The following ARHGAP24 variants were observed in gnomAD, a reference collection of about 807,000 sequenced individuals.
ARHGAP24 encodes the protein rho GTPase-activating protein 24.
A neutral mutation model predicts 76.4 loss-of-function variants in ARHGAP24; 50 were observed. The ratio of observed to expected loss-of-function variants is 0.65; its 90% confidence interval spans 0.52 to 0.83. The LOEUF is 0.83. Among genes scored for constraint, ARHGAP24 ranks in the 40% least tolerant of loss-of-function variants. ARHGAP24 has a pLI of 0.00. For missense variants in ARHGAP24, 930 were observed against 914.2 expected, an observed-to-expected ratio of 1.02 and a Z score of -0.22; for synonymous variants, 345 against 323.3, an observed-to-expected ratio of 1.07 and a Z score of -0.72.
chr4:85,732,669 G>C (rs904924167), intron 3 of ARHGAP24, among the ~76,000 whole-genome samples: 92 of 150,216 alleles, frequency 6.1e-4, no homozygotes, highest in African/African-American at 2.1e-3. Flanking sequence ...TCAAACATAG[G>C]ATTAATAAAC....
chr4:85,835,731 G>A (rs1730249114), intron 3 of ARHGAP24, among the ~76,000 whole-genome samples: 1 of 151,946 alleles, frequency 6.6e-6, no homozygotes, highest in Non-Finnish European at 1.5e-5. Flanking sequence ...TGTTGCCCGG[G>A]CAGGAGTGCA....
intron 2 of ARHGAP24, among the ~76,000 whole-genome samples, chr4:85,590,165 C>T (rs935096334): frequency 1.1e-5 from 1 of 93,292 alleles, no homozygotes. Flanking sequence ...TTTCTTTCTG[C>T]CTGCCTGCCT....
intron 3 of ARHGAP24, among the ~76,000 whole-genome samples, chr4:85,766,122 G>T (rs1025137455): frequency 2.0e-5 from 3 of 152,042 alleles, no homozygotes; most frequent in Non-Finnish European, 4.4e-5. Context: ...TTTAGAGCCC[G>T]GGGAGGAAAA....
intron 5 of ARHGAP24, among the ~76,000 whole-genome samples, chr4:85,945,882 A>T (rs764921783): frequency 3.3e-5 from 5 of 152,096 alleles, no homozygotes; most frequent in Non-Finnish European, 7.4e-5. Context: ...ATAATTTACT[A>T]TTCTGTATTG....
chr4:85,595,000 C>A (rs1719750647), intron 2 of ARHGAP24, among the ~76,000 whole-genome samples: 1 of 150,482 alleles, frequency 6.6e-6, no homozygotes, highest in South Asian at 2.1e-4. Context: ...TTTTTTGTAA[C>A]AGTCTTGCTC....
chr4:85,476,729 T>C (rs1207575445), intron 1 of ARHGAP24, among the ~76,000 whole-genome samples: 1 of 152,080 alleles, frequency 6.6e-6, no homozygotes, highest in East Asian at 1.9e-4. Context: ...AGGGCAAAAA[T>C]GGATGACGCT....
rs542190528 is a variant in ARHGAP24, at chr4:85,955,827, T to C, written c.599+13554T>C. ...ACTGGGCTAGGCAAACCATATGCTATTGTGAGATAAACTATTTTCTGGGGT... is the reference window on the plus strand; with the variant it reads ...ACTGGGCTAGGCAAACCATATGCTACTGTGAGATAAACTATTTTCTGGGGT... On this transcript the variant is annotated intron_variant, in intron 5 of 9. Coordinates refer to ENST00000395184, the MANE Select transcript of ARHGAP24 (RefSeq NM_001025616.3). Among the ~76,000 whole-genome samples, 5 of 152,300 alleles carry C rather than the reference T, an allele frequency of 3.3e-5. No homozygotes were observed. The South Asian group carries it at 1.0e-3, about 32-fold the overall frequency.
At chr4:85,700,819 AATGGAAAAT>A (rs1307403164) in intron 2 of ARHGAP24, among the ~76,000 whole-genome samples, 6 of 152,248 alleles carry the variant, frequency 3.9e-5, no homozygotes, top group African/African-American at 1.4e-4. Flanking sequence ...TAGAGAAAAA[AATGGAAAAT>A]CACTCTATTT....
chr4:85,983,025 G>T (rs1489156441), intron 8 of ARHGAP24, among the ~76,000 whole-genome samples: 9 of 152,104 alleles, frequency 5.9e-5, no homozygotes, highest in African/African-American at 2.2e-4. Context: ...GGGGTGGTTG[G>T]TTTTCTGTTC....
At chr4:85,570,346 TTTC>T (rs1260779098) in intron 1 of ARHGAP24, among the ~76,000 whole-genome samples, 173 bp from the exon 2 acceptor site, 2 of 150,740 alleles carry the variant, frequency 1.3e-5, no homozygotes, top group Admixed American at 6.6e-5. Flanking sequence ...TCTTTTTTTC[TTTC>T]TTCTTTCTTT....
At chr4:85,683,220 G>C (rs907290940) in intron 2 of ARHGAP24, among the ~76,000 whole-genome samples, 1 of 151,416 alleles carries the variant, frequency 6.6e-6, no homozygotes, top group African/African-American at 2.4e-5. Context: ...CATGGGGTTT[G>C]TTGAGGAGCA....
At chr4:85,630,894 ATAGT>A (rs1016470738) in intron 2 of ARHGAP24, among the ~76,000 whole-genome samples, 9 of 152,194 alleles carry the variant, frequency 5.9e-5, no homozygotes, top group African/African-American at 1.7e-4. Context: ...GATGTATTAA[ATAGT>A]TAGTCTTTGT....
At chr4:85,824,510 G>T (rs1729620575) in intron 3 of ARHGAP24, among the ~76,000 whole-genome samples, 2 of 152,178 alleles carry the variant, frequency 1.3e-5, no homozygotes, top group African/African-American at 4.8e-5. Flanking sequence ...CATCAGGAAG[G>T]TATCATTACT....
intron 2 of ARHGAP24, among the ~76,000 whole-genome samples, chr4:85,597,460 G>T (rs1719879640): frequency 6.6e-6 from 1 of 151,998 alleles, no homozygotes; most frequent in Non-Finnish European, 1.5e-5. Flanking sequence ...GGTAGGAATT[G>T]CTGAAAAGGG....
intron 3 of ARHGAP24, among the ~76,000 whole-genome samples, chr4:85,725,794 T>C (rs762790168): frequency 1.3e-5 from 2 of 152,232 alleles, no homozygotes; most frequent in African/African-American, 2.4e-5. Context: ...AGGAAACTCA[T>C]GTACCCTGGC....
chr4:85,854,522 G>C (rs1349395661), intron 3 of ARHGAP24, among the ~76,000 whole-genome samples: 4 of 152,170 alleles, frequency 2.6e-5, no homozygotes, highest in Non-Finnish European at 4.4e-5. Flanking sequence ...TAAATTGAAA[G>C]TGATATTAAA....
intron 2 of ARHGAP24, among the ~76,000 whole-genome samples, chr4:85,625,624 C>G (rs1720917294): frequency 1.3e-5 from 2 of 152,064 alleles, no homozygotes; most frequent in Admixed American, 1.3e-4. Flanking sequence ...TCCTGGATAT[C>G]CTTGTTAACT....
At chr4:85,704,905 C>T (rs1724252990) in intron 2 of ARHGAP24, among the ~76,000 whole-genome samples, 1 of 151,722 alleles carries the variant, frequency 6.6e-6, no homozygotes, top group Non-Finnish European at 1.5e-5. Context: ...TTTGATTGAC[C>T]AAGGGTCAAT....
chr4:85,507,268 CTGG>C (rs1724092718), intron 1 of ARHGAP24, among the ~76,000 whole-genome samples: 1 of 152,050 alleles, frequency 6.6e-6, no homozygotes, highest in Non-Finnish European at 1.5e-5. Flanking sequence ...GTCACCCAGG[CTGG>C]AGTGCAGTGG....
Sources: gnomAD v4.1 joint callset for allele counts (sites outside exome capture counted in the v4.1 genomes callset) on GRCh38, gnomAD v4.1.1 for gene constraint, MANE v1.5 for transcripts, NCBI Gene and HGNC (gene_info 2026-07-23, HGNC 2026-07-21) for gene names.